Variants in ITGA9 observed in about 807,000 individuals in gnomAD.
ITGA9 encodes the protein integrin alpha-9.
ITGA9 carries 56 observed loss-of-function variants against 127.8 expected under a neutral mutation model. The ratio of observed to expected loss-of-function variants is 0.44; its 90% CI spans 0.35 to 0.55. The LOEUF (loss-of-function observed/expected upper bound fraction) is 0.55, where lower values mean the gene tolerates loss of function less well. Among genes scored for constraint, ITGA9 ranks in the 20% least tolerant of loss-of-function variants. The probability of loss-of-function intolerance (pLI) is 0.00; values close to 1 mark genes in which losing one functional copy is unlikely to be tolerated. For missense variants in ITGA9, 1,196 were observed against 1,347.1 expected, an observed-to-expected ratio of 0.89 and a Z score of 1.76; for synonymous variants, 508 against 514.5, an observed-to-expected ratio of 0.99 and a Z score of 0.17.
At chr3:37,617,233 G>T (rs1435537810) in intron 15 of ITGA9, among the ~76,000 whole-genome samples, 2 of 152,136 alleles carry the variant, frequency 1.3e-5, no homozygotes, top group South Asian at 2.1e-4. Context: ...GCTTAGTTTG[G>T]CTGGATATGA....
rs1037127659 is a variant in ITGA9, at chr3:37,730,317, A to G, written c.2068-2395A>G. On this transcript the variant is annotated intron_variant, in intron 18 of 27. Transcript: ENST00000264741. The stretch of plus-strand genomic sequence containing the variant: ...TGCTGCCTCTGATGTCCACAGGCCA[A>G]TTAGCCAGGATTTAGGGTAGTGTCT... Among the ~76,000 whole-genome samples, 4 of 152,214 alleles carry G rather than the reference A, an allele frequency of 2.6e-5. No individual in the cohort carries two copies. The South Asian group carries it at 8.3e-4, about 32-fold the overall frequency.
chr3:37,651,311 C>T (rs1051763079), intron 16 of ITGA9, among the ~76,000 whole-genome samples: 5 of 152,184 alleles, frequency 3.3e-5, no homozygotes, highest in East Asian at 1.9e-4. Context: ...ACCAATTCCT[C>T]GTGAGAAGTC....
In ITGA9 at chr3:37,723,211, A is replaced by C. The variant is rs148427839; in HGVS notation, c.2068-9501A>C. Among the ~76,000 whole-genome samples the C allele has an allele frequency of 2.5e-3, 374 of 152,262 alleles. 4 individuals are homozygous for C. In the East Asian group the frequency reaches 0.044, roughly 18 times the overall value. Reference sequence around the variant, plus strand: ...CAAGACTTTTTAAAAATGTATCCTAAAGTTCCTATTAGACATATGATTTAA... The same window carrying C: ...CAAGACTTTTTAAAAATGTATCCTACAGTTCCTATTAGACATATGATTTAA... On this transcript the variant is annotated intron_variant, in intron 18 of 27. Coordinates refer to ENST00000264741, the MANE Select transcript of ITGA9 (RefSeq NM_002207.3).
intron 8 of ITGA9, among the ~76,000 whole-genome samples, chr3:37,512,712 C>G (rs527621108): frequency 6.6e-6 from 1 of 152,132 alleles, no homozygotes; most frequent in South Asian, 2.1e-4. Flanking sequence ...AAAGGTTGCT[C>G]CTCTCTGGGT....
chr3:37,676,908 A>G (rs1471212651), intron 17 of ITGA9, among the ~76,000 whole-genome samples: 1 of 152,164 alleles, frequency 6.6e-6, no homozygotes, highest in East Asian at 1.9e-4. Context: ...TCTGGCTGGA[A>G]TGTACTCCCT....
chr3:37,674,646 C>T (rs773874870), intron 17 of ITGA9, among the ~76,000 whole-genome samples: 8 of 152,144 alleles, frequency 5.3e-5, no homozygotes, highest in Non-Finnish European at 7.3e-5. Context: ...AGAACCTGCA[C>T]AGCATGAGCA....
chr3:37,658,545 T>A (rs1700501724), intron 17 of ITGA9, among the ~76,000 whole-genome samples: 6 of 152,216 alleles, frequency 3.9e-5, no homozygotes, highest in Admixed American at 3.3e-4. Flanking sequence ...TTGGTAAATA[T>A]TCTACCATCC....
intron 16 of ITGA9, among the ~76,000 whole-genome samples, chr3:37,638,480 C>T (rs1366086996): frequency 6.7e-6 from 1 of 150,252 alleles, no homozygotes; most frequent in African/African-American, 2.5e-5. Context: ...AGATAATCTT[C>T]CAGATGTTGG....
chr3:37,608,211 G>A (rs1159485434), intron 15 of ITGA9, among the ~76,000 whole-genome samples: 1 of 152,174 alleles, frequency 6.6e-6, no homozygotes, highest in East Asian at 1.9e-4. Context: ...GGTTAGGGAA[G>A]ATAGTGACTT....
At chr3:37,694,803 G>A (rs1040541945) in intron 18 of ITGA9, among the ~76,000 whole-genome samples, 2 of 152,170 alleles carry the variant, frequency 1.3e-5, no homozygotes, top group Non-Finnish European at 2.9e-5. Flanking sequence ...AAGCAGCACA[G>A]CATCTCTTGA....
chr3:37,511,671 C>T (rs530112), intron 8 of ITGA9, among the ~76,000 whole-genome samples: 57,881 of 152,064 alleles, frequency 0.38, 12,967 homozygotes, highest in East Asian at 0.72. Context: ...TCCTCACCCT[C>T]TGTGATTTCA....
chr3:37,726,195 G>A (rs113328104), intron 18 of ITGA9, among the ~76,000 whole-genome samples: 2,233 of 152,354 alleles, frequency 0.015, 19 homozygotes, highest in Non-Finnish European at 0.023. Flanking sequence ...TTAACTAAGT[G>A]AGTTAACGTG....
chr3:37,706,683 A>G (rs77122650), intron 18 of ITGA9, among the ~76,000 whole-genome samples: 1 of 152,198 alleles, frequency 6.6e-6, no homozygotes, highest in Non-Finnish European at 1.5e-5. Flanking sequence ...TGCCCTCAGA[A>G]TGCTACTGAA....
intron 8 of ITGA9, among the ~76,000 whole-genome samples, chr3:37,513,489 G>A (rs546121713): frequency 1.4e-4 from 21 of 152,086 alleles, no homozygotes; most frequent in African/African-American, 4.1e-4. Flanking sequence ...ACAACGTGCA[G>A]GTTTGTTACA....
intron 18 of ITGA9, among the ~76,000 whole-genome samples, chr3:37,702,633 C>T (rs1238628916): frequency 2.0e-5 from 3 of 152,088 alleles, no homozygotes; most frequent in South Asian, 2.1e-4. Flanking sequence ...CAGAGAAAAC[C>T]GTCAGGCAGG....
chr3:37,721,410 C>T (rs964106325), intron 18 of ITGA9, among the ~76,000 whole-genome samples: 1 of 152,160 alleles, frequency 6.6e-6, no homozygotes, highest in Non-Finnish European at 1.5e-5. Context: ...GCCATCCATA[C>T]CTGGCCTCCA....
At chr3:37,672,369 A>C (rs760897580) in intron 17 of ITGA9, among the ~76,000 whole-genome samples, 9 of 152,150 alleles carry the variant, frequency 5.9e-5, no homozygotes, top group Non-Finnish European at 1.3e-4. Flanking sequence ...GGTTTTATAA[A>C]GGGGAGTTCC....
chr3:37,616,509 C>G (rs1302637426), intron 15 of ITGA9, among the ~76,000 whole-genome samples: 1 of 152,128 alleles, frequency 6.6e-6, no homozygotes, highest in African/African-American at 2.4e-5. Context: ...AGTTCAATTC[C>G]TGGATATCTT....
chr3:37,503,414 A>G (rs770723652), intron 6 of ITGA9, 107 bp downstream of exon 6: 44 of 1,275,002 alleles, frequency 3.5e-5, no homozygotes, highest in Non-Finnish European at 1.0e-5. Flanking sequence ...GTTGGCTTTG[A>G]CGCCTGTTGT....
Sources: gnomAD v4.1 joint callset for allele counts (sites outside exome capture counted in the v4.1 genomes callset) on GRCh38, gnomAD v4.1.1 for gene constraint, MANE v1.5 for transcripts, NCBI Gene and HGNC (gene_info 2026-07-23, HGNC 2026-07-21) for gene names.